The following MBTD1 variants were observed in gnomAD, a reference collection of about 807,000 sequenced individuals.
MBTD1 encodes the protein mbt domain containing 1.
A neutral mutation model predicts 87.8 loss-of-function variants in MBTD1; 24 were observed. The observed-to-expected ratio is 0.27, with a 90% CI of 0.20 to 0.38. The LOEUF is 0.38. Ranked by LOEUF, MBTD1 falls within the 10% of genes least tolerant of loss-of-function variation. MBTD1 has a pLI of 1.00. For synonymous variants in MBTD1, 237 were observed against 248.6 expected (o/e 0.95, Z 0.44); for missense variants, 436 against 760.2 (o/e 0.57, Z 5.02).
chr17:51,193,302 A>G (rs1034492481), intron 14 of MBTD1, 126 bp downstream of exon 14: 27 of 653,422 alleles, frequency 4.1e-5, no homozygotes, highest in African/African-American at 2.4e-4. Flanking sequence ...TTTCATTGCT[A>G]TATTTGTTTA....
intron 8 of MBTD1, among the ~76,000 whole-genome samples, chr17:51,203,451 G>A (rs2051612617): frequency 6.6e-6 from 1 of 152,042 alleles, no homozygotes; most frequent in Admixed American, 6.6e-5. Flanking sequence ...GTCTCGCTCT[G>A]TTGCCCAGGC....
chr17:51,182,792 G>A (rs1240768942), intron 16 of MBTD1, among the ~76,000 whole-genome samples: 2 of 152,208 alleles, frequency 1.3e-5, no homozygotes, highest in Admixed American at 6.5e-5. Context: ...TGCTCATACA[G>A]AGAAAAAAAT....
chr17:51,217,397 G>A lies in MBTD1; in HGVS notation c.423C>T (p.Phe141=), dbSNP rs2052629996. The A allele has an allele frequency of 6.5e-7, 1 of 1,530,464 alleles. No homozygotes were observed. The highest frequency in any genetic ancestry group is 1.4e-5 in the African/African-American group (1 of 71,986). 94.8% of individuals were successfully genotyped at this position (1,530,464 alleles called of 1,614,324 possible). Residue 141 remains phenylalanine, a synonymous_variant, in exon 6 of 17, where the codon TTC becomes TTT. Coordinates refer to ENST00000586178, the MANE Select transcript of MBTD1 (RefSeq NM_017643.3). The stretch of plus-strand genomic sequence containing the variant: ...TGCTATTGATGTAGTTACCCCAGCT[G>A]AAACCTTCCATGGAGACTGCTAAAA... ...KTKAAVSMEG[F]SWGNYINSNS...
At chr17:51,245,092 G>C (rs1265580803) in intron 2 of MBTD1, among the ~76,000 whole-genome samples, 2 of 152,032 alleles carry the variant, frequency 1.3e-5, no homozygotes, top group Non-Finnish European at 2.9e-5. Context: ...AGTAGAGGCG[G>C]GGTTTCACCA....
At chr17:51,216,662 GTAACA>G (rs1423223908) in intron 6 of MBTD1, among the ~76,000 whole-genome samples, 2 of 152,204 alleles carry the variant, frequency 1.3e-5, no homozygotes, top group Non-Finnish European at 2.9e-5. Flanking sequence ...GCAGATTTAA[GTAACA>G]TACACAATGA....
intron 16 of MBTD1, chr17:51,185,720 T>C (rs1437464572): frequency 6.6e-6 from 1 of 152,166 alleles, no homozygotes; most frequent in Non-Finnish European, 1.5e-5. Context: ...CATACAATTC[T>C]GCAATGAGGA....
chr17:51,256,644 C>T (rs1447933173), intron 2 of MBTD1: 1 of 152,188 alleles, frequency 6.6e-6, no homozygotes, highest in Non-Finnish European at 1.5e-5. Context: ...CTTAAATTTA[C>T]ATTGCCTAAA....
intron 6 of MBTD1, among the ~76,000 whole-genome samples, chr17:51,208,293 G>A (rs538986330): frequency 1.1e-4 from 16 of 152,238 alleles, no homozygotes; most frequent in Non-Finnish European, 1.5e-4. Context: ...GTTTACCTCA[G>A]TAACTTGGAG....
intron 16 of MBTD1, among the ~76,000 whole-genome samples, chr17:51,191,099 T>A (rs2050786541): frequency 6.6e-6 from 1 of 151,932 alleles, no homozygotes; most frequent in Non-Finnish European, 1.5e-5. Context: ...CAAAAAAGAA[T>A]GAAACATTCT....
chr17:51,225,847 C>T (rs1287285507), intron 2 of MBTD1, among the ~76,000 whole-genome samples: 5 of 151,598 alleles, frequency 3.3e-5, no homozygotes, highest in East Asian at 4.0e-4. Flanking sequence ...GGCACAATCT[C>T]GGCTCACTGC....
At chr17:51,200,615 G>T (rs2051417995) in intron 12 of MBTD1, among the ~76,000 whole-genome samples, 1 of 146,210 alleles carries the variant, frequency 6.8e-6, no homozygotes, top group Admixed American at 6.9e-5. Flanking sequence ...TGTAATCCCA[G>T]CACTGTGGGA....
At chr17:51,205,761 G>A (rs564677216) in intron 7 of MBTD1, among the ~76,000 whole-genome samples, 19 of 152,252 alleles carry the variant, frequency 1.2e-4, no homozygotes, top group African/African-American at 4.6e-4. Flanking sequence ...TGGCTATCTT[G>A]ATCCTTTAAG....
chr17:51,211,812 GA>G (rs1391396408), intron 6 of MBTD1, among the ~76,000 whole-genome samples: 2 of 151,636 alleles, frequency 1.3e-5, no homozygotes, highest in Admixed American at 6.6e-5. Context: ...GACTCTACTT[GA>G]AAAAGATTTT....
At chr17:51,260,409 G>A (rs1173208673), upstream of MBTD1, 3 of 683,156 alleles carry the variant, frequency 4.4e-6, no homozygotes, top group South Asian at 4.0e-5. Context: ...CACACGGGGC[G>A]GGGCTGGGTA....
chr17:51,196,083 T>C lies in MBTD1; in HGVS notation c.1225-722A>G, dbSNP rs552522417. Among the ~76,000 whole-genome samples, 24 of 152,236 alleles carry C rather than the reference T, an allele frequency of 1.6e-4. No individual in the cohort carries two copies. In the South Asian group the frequency reaches 2.7e-3, roughly 17 times the overall value. ...CCATCACACTCGGCTAATTGTTTAATTTTTATTTTGTAGAGATGGGGTCTC... is the reference window on the plus strand; with the variant it reads ...CCATCACACTCGGCTAATTGTTTAACTTTTATTTTGTAGAGATGGGGTCTC... On this transcript the variant is annotated intron_variant, in intron 12 of 16. Coordinates refer to ENST00000586178, the MANE Select transcript of MBTD1 (RefSeq NM_017643.3).
At chr17:51,188,673 G>A (rs975295714) in intron 16 of MBTD1, among the ~76,000 whole-genome samples, 3 of 151,792 alleles carry the variant, frequency 2.0e-5, no homozygotes, top group Non-Finnish European at 2.9e-5. Context: ...AATAAGAGGC[G>A]GCGGCACCAT....
chr17:51,195,442 G>A, intron 12 of MBTD1, 81 bp from the exon 13 acceptor site: 8 of 1,172,974 alleles, frequency 6.8e-6, no homozygotes, highest in East Asian at 2.6e-5. Flanking sequence ...CTAAAAGAAA[G>A]GAAAATCTAT....
intron 6 of MBTD1, among the ~76,000 whole-genome samples, chr17:51,215,450 T>C (rs891655514): frequency 1.3e-5 from 2 of 152,124 alleles, no homozygotes; most frequent in African/African-American, 4.8e-5. Flanking sequence ...TCTGATATGG[T>C]TTATAATATA....
chr17:51,238,627 T>C lies in MBTD1; in HGVS notation c.-48-13418A>G, dbSNP rs558838443. Among the ~76,000 whole-genome samples the C allele has an allele frequency of 2.0e-5, 3 of 152,214 alleles. No homozygotes were observed. In the South Asian group the frequency reaches 6.2e-4, roughly 32 times the overall value. On this transcript the variant is annotated intron_variant, in intron 2 of 16. Transcript: ENST00000586178. Reference sequence around the variant, plus strand: ...GTGTTTGGAGCTTGTTGCAGCAGCATGGGGAAAAAGGCAACAGGCACTTTC... The same window carrying C: ...GTGTTTGGAGCTTGTTGCAGCAGCACGGGGAAAAAGGCAACAGGCACTTTC...
Sources: gnomAD v4.1 joint callset for allele counts (sites outside exome capture counted in the v4.1 genomes callset) on GRCh38, gnomAD v4.1.1 for gene constraint, MANE v1.5 for transcripts, NCBI Gene and HGNC (gene_info 2026-07-23, HGNC 2026-07-21) for gene names.